Variants in SERF2 observed in about 807,000 individuals in gnomAD.
SERF2 encodes the protein small EDRK-rich factor 2.
Under a neutral mutation model 10.7 loss-of-function variants are expected in SERF2, and 4 were observed. That is an observed-to-expected ratio of 0.37 (90% CI 0.18 to 0.86). The LOEUF is 0.86. Among genes scored for constraint, SERF2 ranks in the 40% least tolerant of loss-of-function variants. SERF2 has a pLI of 0.43. For missense variants in SERF2, 47 were observed against 79.1 expected, an observed-to-expected ratio of 0.59 and a Z score of 1.54; for synonymous variants, 26 against 26.0, an observed-to-expected ratio of 1.00 and a Z score of 0.01.
At chr15:43,792,901 G>A (rs1047575693) in intron 1 of SERF2, 74 bp from the exon 2 acceptor site, 3 of 1,095,428 alleles carry the variant, frequency 2.7e-6, no homozygotes, top group Non-Finnish European at 4.0e-6. Context: ...GCTGCTGGCC[G>A]CGCTGGGGTA....
intron 1 of SERF2, among the ~76,000 whole-genome samples, chr15:43,782,409 T>C (rs541216789): frequency 6.6e-6 from 1 of 152,338 alleles, no homozygotes; most frequent in African/African-American, 2.4e-5. Context: ...AATTAATAAT[T>C]ATGCATTTTT....
rs780033413 is a variant in SERF2, at chr15:43,795,570, A to C, written c.*1797A>C. On this transcript the variant is annotated 3_prime_UTR_variant, in exon 3 of 3. Coordinates refer to ENST00000249786, the MANE Select transcript of SERF2 (RefSeq NM_001018108.4). Reference sequence around the variant, plus strand: ...GAGAGAGGAAATGGCTGCTGGGAGCAGAGCTGCTGAAACACCTCTTCCCCT... The same window carrying C: ...GAGAGAGGAAATGGCTGCTGGGAGCCGAGCTGCTGAAACACCTCTTCCCCT... 1.2e-6 allele frequency: 2 copies of C among 1,613,690 alleles called. No individual in the cohort carries two copies. The highest frequency in any genetic ancestry group is 2.7e-5 in the African/African-American group (2 of 74,906).
chr15:43,795,488 G>T lies in SERF2; in HGVS notation c.*1715G>T. The T allele has an allele frequency of 1.9e-6, 3 of 1,614,210 alleles. No homozygotes were observed. The highest frequency in any genetic ancestry group is 1.7e-6 in the Non-Finnish European group (2 of 1,180,042). On this transcript the variant is annotated 3_prime_UTR_variant, in exon 3 of 3. Coordinates refer to ENST00000249786, the MANE Select transcript of SERF2 (RefSeq NM_001018108.4). Reference sequence around the variant, plus strand: ...TAGGAAAGATGCTGGACTTGGACTGGAGGAGCTGGAGGGGTTTCTTGGTCA... The same window carrying T: ...TAGGAAAGATGCTGGACTTGGACTGTAGGAGCTGGAGGGGTTTCTTGGTCA...
upstream of SERF2, among the ~76,000 whole-genome samples, chr15:43,790,578 A>G (rs2087047221): frequency 1.3e-5 from 2 of 151,660 alleles, no homozygotes; most frequent in Non-Finnish European, 2.9e-5. Context: ...AGCCTAGCCA[A>G]CATGATGGAA....
exon 1 of SERF2, chr15:43,777,196 C>A: frequency 1.7e-6 from 1 of 586,186 alleles, no homozygotes; most frequent in Non-Finnish European, 3.3e-6. Context: ...AGAAAGAGTC[C>A]GCGACCAGCG....
rs770807720 is a variant in SERF2, at chr15:43,795,455, A to C, written c.*1682A>C. On this transcript the variant is annotated 3_prime_UTR_variant, in exon 3 of 3. Transcript: ENST00000249786. ...AGGAAGAAGACGAAGTGGAAGGCAG[A>C]ATAGTTGTAGGAAAGATGCTGGACT... 2 of 1,614,058 alleles carry C rather than the reference A, an allele frequency of 1.2e-6. No homozygotes were observed. The highest frequency in any genetic ancestry group is 2.7e-5 in the African/African-American group (2 of 74,924).
At chr15:43,791,729 G>A (rs931632484), upstream of SERF2, 1 of 153,584 alleles carries the variant, frequency 6.5e-6, no homozygotes, top group Non-Finnish European at 1.5e-5. Context: ...AACGAACAGG[G>A]TAGAGTTTTA....
chr15:43,795,186 G>A lies in SERF2; in HGVS notation c.*1413G>A. ...AGGTGGCCCAGCTACCCTTGATGAA[G>A]GTCTTTTCCAGTTCTGCTCCCTCAT... On this transcript the variant is annotated 3_prime_UTR_variant, in exon 3 of 3. Transcript: ENST00000249786. 5 of 1,614,092 alleles carry A rather than the reference G, an allele frequency of 3.1e-6. No homozygotes were observed. Among genetic ancestry groups the A allele is most frequent in the Non-Finnish European group, 4.2e-6 (5 of 1,180,010 alleles).
rs1041298276 is a variant in SERF2, at chr15:43,794,620, TCCTTATTTTCCTTTCTCCAA to T, written c.*848_*867del. 5.1e-5 allele frequency: 10 copies of T among 195,478 alleles called. No homozygotes were observed. In the Admixed American group the frequency reaches 5.2e-4, roughly 10 times the overall value. The allele number at this position is 195,478 out of a possible 1,614,324, so 12.1% of individuals were successfully genotyped here. A position where few individuals can be genotyped will look rare whatever the true frequency, so the allele number is the denominator to read the frequency against. ...TATATCCGTGTGCCCAGGGCTGAAC[TCCTTATTTTCCTTTCTCCAA>T]GGGCAGAGCCGAGTCTTCAGTCCCT... On this transcript the variant is annotated 3_prime_UTR_variant, in exon 3 of 3. Transcript: ENST00000249786.
In SERF2 at chr15:43,795,146, C is replaced by G. The variant is rs1361111032; in HGVS notation, c.*1373C>G. 1 of 1,614,008 alleles carries G rather than the reference C, an allele frequency of 6.2e-7. No homozygotes were observed. The highest frequency in any genetic ancestry group is 8.5e-7 in the Non-Finnish European group (1 of 1,180,038). On this transcript the variant is annotated 3_prime_UTR_variant, in exon 3 of 3. Transcript: ENST00000249786. ...AGGAGTACGCAGGCCCAGCATGAGG[C>G]AACCTTGACCCAGAAGGTGGCCCAG...
chr15:43,794,072 C>A lies in SERF2; in HGVS notation c.*299C>A. ...CTTGAGCGCCTGGTTTGACTGGGGA[C>A]TTGGGGGGATGGGGTTGGAAGAATG... On this transcript the variant is annotated 3_prime_UTR_variant, in exon 3 of 3. Coordinates refer to ENST00000249786, the MANE Select transcript of SERF2 (RefSeq NM_001018108.4). 8.4e-7 allele frequency: 1 copy of A among 1,192,908 alleles called. No homozygotes were observed. Among genetic ancestry groups the A allele is most frequent in the Non-Finnish European group, 1.1e-6 (1 of 880,320 alleles). 73.9% of individuals were successfully genotyped at this position (1,192,908 alleles called of 1,614,324 possible). A position where few individuals can be genotyped will look rare whatever the true frequency, so the allele number is the denominator to read the frequency against.
chr15:43,778,695 T>C (rs1184436274), intron 1 of SERF2, among the ~76,000 whole-genome samples: 1 of 147,528 alleles, frequency 6.8e-6, no homozygotes, highest in African/African-American at 2.5e-5. Context: ...AGCTCAGGAG[T>C]TCGAGACCAC....
At chr15:43,792,909 G>A in intron 1 of SERF2, 66 bp from the exon 2 acceptor site, 1 of 1,191,198 alleles carries the variant, frequency 8.4e-7, no homozygotes, top group Non-Finnish European at 1.2e-6. Flanking sequence ...CCGCGCTGGG[G>A]TAGAAGGGTC....
chr15:43,782,153 T>C (rs1185598384), intron 1 of SERF2, among the ~76,000 whole-genome samples: 2 of 152,144 alleles, frequency 1.3e-5, no homozygotes, highest in African/African-American at 2.4e-5. Flanking sequence ...CCTCCCATAG[T>C]GCTAGGATTA....
chr15:43,780,345 T>A (rs1305271003), intron 1 of SERF2, among the ~76,000 whole-genome samples: 3 of 152,050 alleles, frequency 2.0e-5, no homozygotes, highest in Non-Finnish European at 2.9e-5. Flanking sequence ...GGTTTCGCCA[T>A]GTTAGCCAGG....
chr15:43,784,755 C>CA (rs2086991936), intron 1 of SERF2, among the ~76,000 whole-genome samples: 1 of 148,510 alleles, frequency 6.7e-6, no homozygotes, highest in Admixed American at 6.8e-5. Flanking sequence ...CGCGCCCGGC[C>CA]CTAATTAATT....
intron 2 of SERF2, 71 bp from the exon 3 acceptor site, chr15:43,793,639 C>T (rs759897421): frequency 6.2e-7 from 1 of 1,613,164 alleles, no homozygotes; most frequent in Non-Finnish European, 8.5e-7. Context: ...TCCTTTGTGC[C>T]CTTCATCCCC....
intron 1 of SERF2, among the ~76,000 whole-genome samples, chr15:43,778,839 T>C (rs1048567270): frequency 6.6e-6 from 1 of 152,088 alleles, no homozygotes; most frequent in African/African-American, 2.4e-5. Flanking sequence ...GAGGTGAATG[T>C]TGCAGTGAGC....
upstream of SERF2, among the ~76,000 whole-genome samples, chr15:43,789,844 C>A (rs1200781706): frequency 6.6e-6 from 1 of 151,580 alleles, no homozygotes; most frequent in African/African-American, 2.4e-5. Context: ...CCTGTCTCTA[C>A]TAAAAAAAAA....
Sources: allele counts gnomAD v4.1 joint callset (sites outside exome capture counted in the v4.1 genomes callset), GRCh38; gene constraint gnomAD v4.1.1; transcripts MANE v1.5; gene names NCBI Gene and HGNC (gene_info 2026-07-23, HGNC 2026-07-21).